The following RAPGEF4 variants were observed in gnomAD, a reference collection of about 807,000 sequenced individuals.
RAPGEF4 encodes Rap guanine nucleotide exchange factor 4.
RAPGEF4 carries 66 observed loss-of-function variants against 147.9 expected under a neutral mutation model. The observed-to-expected ratio is 0.45, with a 90% CI of 0.37 to 0.55. RAPGEF4 has a LOEUF of 0.55. Among genes scored for constraint, RAPGEF4 ranks in the 20% least tolerant of loss-of-function variants. RAPGEF4 has a pLI of 0.00. For missense variants in RAPGEF4, 1,071 were observed against 1,257.3 expected (o/e 0.85, Z 2.24); for synonymous variants, 419 against 442.7 (o/e 0.95, Z 0.67).
At chr2:173,038,311 C>A (rs191935002) in intron 29 of RAPGEF4, among the ~76,000 whole-genome samples, 4 of 152,322 alleles carry the variant, frequency 2.6e-5, no homozygotes, top group Admixed American at 6.5e-5. Context: ...AAAGATTTGG[C>A]AAATGCGTAA....
At chr2:173,017,145 A>T (rs758340276) in intron 19 of RAPGEF4, 29 bp from the exon 20 acceptor site, 8 of 1,605,610 alleles carry the variant, frequency 5.0e-6, no homozygotes, top group Non-Finnish European at 6.8e-6. Context: ...CAATGGTATT[A>T]AATAATGTGC....
chr2:172,741,774 C>T (rs1272005948), intron 1 of RAPGEF4, among the ~76,000 whole-genome samples: 1 of 152,196 alleles, frequency 6.6e-6, no homozygotes, highest in Non-Finnish European at 1.5e-5. Flanking sequence ...TGGGTTCAAA[C>T]GATCCTCCTG....
chr2:172,900,568 T>C (rs1386592929), intron 4 of RAPGEF4, among the ~76,000 whole-genome samples: 2 of 152,214 alleles, frequency 1.3e-5, no homozygotes, highest in African/African-American at 4.8e-5. Context: ...ATTTTAAATA[T>C]ATCTAGCAAA....
chr2:172,751,344 A>G (rs1695270016), intron 1 of RAPGEF4, among the ~76,000 whole-genome samples: 1 of 152,224 alleles, frequency 6.6e-6, no homozygotes, highest in South Asian at 2.1e-4. Context: ...TCATTCATTC[A>G]GTCAGTCTTC....
chr2:172,978,194 T>C (rs559639606), intron 10 of RAPGEF4, among the ~76,000 whole-genome samples: 12 of 144,606 alleles, frequency 8.3e-5, no homozygotes, highest in African/African-American at 3.0e-4. Flanking sequence ...GATGTAGTGG[T>C]CACACCCCCC....
intron 4 of RAPGEF4, among the ~76,000 whole-genome samples, chr2:172,905,907 C>T (rs1005703642): frequency 9.2e-5 from 14 of 152,246 alleles, no homozygotes; most frequent in Middle Eastern, 3.2e-3. Flanking sequence ...AAGAGGTCAA[C>T]TCAGTCCAGC....
At chr2:172,881,999 T>A (rs1182871601) in intron 4 of RAPGEF4, among the ~76,000 whole-genome samples, 1 of 152,138 alleles carries the variant, frequency 6.6e-6, no homozygotes, top group Non-Finnish European at 1.5e-5. Flanking sequence ...GATTTAACAA[T>A]AAGCTCTTTT....
chr2:172,900,552 G>C (rs1235745025), intron 4 of RAPGEF4, among the ~76,000 whole-genome samples: 2 of 152,102 alleles, frequency 1.3e-5, no homozygotes, highest in African/African-American at 4.8e-5. Flanking sequence ...TTTTAGTTTT[G>C]ATATAATTTT....
At chr2:172,742,753 A>G (rs1245265259) in intron 1 of RAPGEF4, among the ~76,000 whole-genome samples, 1 of 152,124 alleles carries the variant, frequency 6.6e-6, no homozygotes, top group East Asian at 1.9e-4. Context: ...ACTTGCTTTA[A>G]TCTATTAGGA....
chr2:172,989,591 T>C (rs1692622943), intron 14 of RAPGEF4, among the ~76,000 whole-genome samples: 1 of 152,140 alleles, frequency 6.6e-6, no homozygotes, highest in Non-Finnish European at 1.5e-5. Flanking sequence ...CAGCATGCGG[T>C]CCCTTGTCCC....
chr2:172,971,071 A>G (rs909831136), intron 10 of RAPGEF4, among the ~76,000 whole-genome samples: 2 of 147,956 alleles, frequency 1.4e-5, no homozygotes, highest in Admixed American at 6.9e-5. Flanking sequence ...TAGCAAGTAG[A>G]TATAATGGGT....
At chr2:172,911,181 T>C (rs983871028) in intron 4 of RAPGEF4, among the ~76,000 whole-genome samples, 9 of 152,282 alleles carry the variant, frequency 5.9e-5, no homozygotes, top group Admixed American at 5.2e-4. Flanking sequence ...TGAGGCACCT[T>C]GAATGCTGTT....
intron 4 of RAPGEF4, among the ~76,000 whole-genome samples, chr2:172,873,993 A>G (rs1273356309): frequency 6.6e-6 from 1 of 152,238 alleles, no homozygotes; most frequent in East Asian, 1.9e-4. Flanking sequence ...AAAAACCACA[A>G]TGAGATACCG....
At chr2:172,867,661 G>A (rs1378246913) in intron 4 of RAPGEF4, among the ~76,000 whole-genome samples, 1 of 152,226 alleles carries the variant, frequency 6.6e-6, no homozygotes, top group Admixed American at 6.5e-5. Context: ...ATTTATGATT[G>A]AGGGTATGGC....
intron 22 of RAPGEF4, among the ~76,000 whole-genome samples, chr2:173,019,778 C>T (rs559260689): frequency 2.0e-5 from 3 of 152,358 alleles, no homozygotes; most frequent in South Asian, 2.1e-4. Flanking sequence ...CACTTTCTTT[C>T]AGTCTTTACC....
intron 6 of RAPGEF4, among the ~76,000 whole-genome samples, chr2:172,941,372 T>C (rs1179606887): frequency 6.6e-6 from 1 of 152,214 alleles, no homozygotes; most frequent in Admixed American, 6.5e-5. Flanking sequence ...TGGTGCAGCG[T>C]CATTTATTTT....
chr2:172,893,344 A>C (rs1358310373), intron 4 of RAPGEF4, among the ~76,000 whole-genome samples: 2 of 152,228 alleles, frequency 1.3e-5, no homozygotes, highest in African/African-American at 4.8e-5. Context: ...TTGGAGGCTA[A>C]CTTAGAATCA....
At chr2:173,043,234 C>G (rs1260400808) in intron 29 of RAPGEF4, among the ~76,000 whole-genome samples, 1 of 152,142 alleles carries the variant, frequency 6.6e-6, no homozygotes, top group Non-Finnish European at 1.5e-5. Context: ...AGGCATAGGT[C>G]TGGAGACAGA....
intron 4 of RAPGEF4, among the ~76,000 whole-genome samples, chr2:172,870,508 G>A (rs1450371262): frequency 6.6e-6 from 1 of 152,120 alleles, no homozygotes; most frequent in African/African-American, 2.4e-5. Context: ...GTCAGTTTAT[G>A]TCAGGATTTG....
Sources: gnomAD v4.1 joint callset for allele counts (sites outside exome capture counted in the v4.1 genomes callset) on GRCh38, gnomAD v4.1.1 for gene constraint, MANE v1.5 for transcripts, NCBI Gene and HGNC (gene_info 2026-07-23, HGNC 2026-07-21) for gene names.